SYAP1: variants seen among roughly 807,000 people sequenced by gnomAD.
SYAP1 encodes the protein synapse associated protein 1.
Under a neutral mutation model 29.6 loss-of-function variants are expected in SYAP1, and 3 were observed. The ratio of observed to expected loss-of-function variants is 0.10; its 90% CI spans 0.05 to 0.26. The LOEUF (loss-of-function observed/expected upper bound fraction) is 0.26. SYAP1 is among the 10% of genes least tolerant of loss of function. SYAP1 has a pLI of 1.00. For missense variants in SYAP1, 217 were observed against 264.1 expected, an observed-to-expected ratio of 0.82 and a Z score of 1.24; for synonymous variants, 102 against 102.7, an observed-to-expected ratio of 0.99 and a Z score of 0.04.
intron 5 of SYAP1, 24 bp downstream of exon 5, chrX:16,743,864 T>A: frequency 8.3e-7 from 1 of 1,202,316 alleles, no homozygotes; most frequent in Non-Finnish European, 1.1e-6. Context: ...TCTCCAGCGT[T>A]TCCTCATGGC....
intron 5 of SYAP1, among the ~76,000 whole-genome samples, chrX:16,746,065 T>G (rs369454320): frequency 9.2e-6 from 1 of 108,578 alleles, no homozygotes; most frequent in African/African-American, 3.3e-5. Flanking sequence ...AACAGTTATA[T>G]GGAATCTTTT....
intron 5 of SYAP1, among the ~76,000 whole-genome samples, chrX:16,746,491 C>G (rs1037195454): frequency 9.6e-4 from 107 of 111,283 alleles, no homozygotes; most frequent in Middle Eastern, 4.6e-3. Flanking sequence ...CCTGCCTCAG[C>G]CTCCCAAAGT....
At chrX:16,750,005 T>C (rs1051541147) in intron 5 of SYAP1, among the ~76,000 whole-genome samples, 9 of 110,999 alleles carry the variant, frequency 8.1e-5, no homozygotes, top group Admixed American at 9.7e-5. Flanking sequence ...TCGAGTGTTA[T>C]GGCTTAAGAC....
intron 3 of SYAP1, among the ~76,000 whole-genome samples, chrX:16,740,077 C>T (rs1030090823): frequency 1.8e-5 from 2 of 110,869 alleles, no homozygotes; most frequent in African/African-American, 6.6e-5. Context: ...TCTAAACACC[C>T]CCACCCCCAT....
Position 16,736,152 on chromosome X carries a change from A to AT in SYAP1, c.295-6dup, listed in dbSNP as rs747344997. On this transcript the variant is annotated splice_polypyrimidine_tract_variant and intron_variant, in intron 2 of 8. Coordinates refer to ENST00000380155, the MANE Select transcript of SYAP1 (RefSeq NM_032796.4). ...ACATTGCTATTTAATTTGACTATGT[A>AT]TTTTTTTTAACAGACAATTATAGGA... is the stretch of plus-strand genomic sequence containing the variant. 3.2e-5 allele frequency: 35 copies of AT among 1,081,893 alleles called. No individual in the cohort carries two copies. Among genetic ancestry groups the AT allele is most frequent in the Admixed American group, 1.1e-4 (5 of 44,856 alleles). The allele number at this position is 1,081,893 out of a possible 1,213,427, so 89.2% of individuals were successfully genotyped here.
chrX:16,734,551 G>A (rs1926281358), intron 1 of SYAP1, among the ~76,000 whole-genome samples: 1 of 111,245 alleles, frequency 9.0e-6, no homozygotes, highest in African/African-American at 3.3e-5. Context: ...TGGCATACAT[G>A]AGATCTAGAA....
Position 16,744,089 on chromosome X carries a change from A to T in SYAP1, c.575+249A>T, listed in dbSNP as rs770613084. ...AGGTAGAACACATTTCCCTACAGAA[A>T]CCACAAACATGCTGCATCACCCTGA... On this transcript the variant is annotated intron_variant, in intron 5 of 8. Coordinates refer to ENST00000380155, the MANE Select transcript of SYAP1 (RefSeq NM_032796.4). Among the ~76,000 whole-genome samples the T allele has an allele frequency of 1.8e-4, 20 of 112,239 alleles. No homozygotes were observed. The East Asian group carries it at 5.1e-3, about 29-fold the overall frequency.
At chrX:16,757,043 C>T in intron 7 of SYAP1, 119 bp from the exon 8 acceptor site, 2 of 936,698 alleles carry the variant, frequency 2.1e-6, no homozygotes, top group Non-Finnish European at 3.0e-6. Context: ...CATTGTCTTA[C>T]AGCTCGCAGA....
At chrX:16,757,093 A>G (rs1926858462) in intron 7 of SYAP1, 69 bp from the exon 8 acceptor site, 12 of 1,144,881 alleles carry the variant, frequency 1.0e-5, no homozygotes, top group Non-Finnish European at 1.4e-5. Flanking sequence ...ATTGTGAGAC[A>G]ATAGCAAACC....
rs1169924379 is a variant in SYAP1 at position 16,757,248 on chromosome X, A to G, written c.870A>G (p.Leu290=). ...CCTGTAACCTAAATCAGGAAGATCT[A>G]AGGAAAGAAATGGAGCAACTAGTGC... ...FDACNLNQED[L]RKEMEQLVLD... is the part of the protein sequence containing the mutation. Residue 290 remains leucine, a synonymous_variant, in exon 8 of 9, where the codon CTA becomes CTG. Transcript: ENST00000380155. 8.3e-7 allele frequency: 1 copy of G among 1,209,163 alleles called. No homozygotes were observed. Among genetic ancestry groups the G allele is most frequent in the African/African-American group, 1.8e-5 (1 of 57,072 alleles).
intron 5 of SYAP1, among the ~76,000 whole-genome samples, chrX:16,744,371 C>G (rs774214252): frequency 8.9e-6 from 1 of 112,762 alleles, no homozygotes; most frequent in African/African-American, 3.2e-5. Context: ...GGTGTTCTGT[C>G]TCAAGCTCTT....
chrX:16,731,144 ATTAG>A (rs1201185050), intron 1 of SYAP1, among the ~76,000 whole-genome samples: 1 of 112,156 alleles, frequency 8.9e-6, no homozygotes, highest in East Asian at 2.8e-4. Flanking sequence ...TTAGACAAAA[ATTAG>A]TTACCCTTTA....
chrX:16,725,891 G>T (rs1926073165), intron 1 of SYAP1, among the ~76,000 whole-genome samples: 1 of 111,921 alleles, frequency 8.9e-6, no homozygotes, highest in Non-Finnish European at 1.9e-5. Flanking sequence ...AAAAATCATT[G>T]TTTGAATTCA....
chrX:16,735,580 T>C (rs754080907), intron 2 of SYAP1, among the ~76,000 whole-genome samples: 1 of 112,407 alleles, frequency 8.9e-6, no homozygotes, highest in Non-Finnish European at 1.9e-5. Context: ...ATCAATACAT[T>C]GATACTTGGG....
chrX:16,753,268 G>A (rs1283769293), intron 5 of SYAP1, among the ~76,000 whole-genome samples: 2 of 107,354 alleles, frequency 1.9e-5, no homozygotes, highest in Non-Finnish European at 3.8e-5. Context: ...AAAAAAATTA[G>A]CAAGGCATAG....
intron 6 of SYAP1, 76 bp from the exon 7 acceptor site, chrX:16,756,587 G>A (rs56387362): frequency 0.011 from 9,154 of 848,260 alleles, 63 homozygotes; most frequent in Non-Finnish European, 0.013. Flanking sequence ...AATACTTGTG[G>A]ATATTTTACT....
intron 8 of SYAP1, 82 bp from the exon 9 acceptor site, chrX:16,760,150 A>G: frequency 4.1e-6 from 4 of 971,949 alleles, no homozygotes; most frequent in Non-Finnish European, 5.5e-6. Flanking sequence ...GACTTTACGT[A>G]GGTAATTGAG....
intron 3 of SYAP1, 113 bp downstream of exon 3, chrX:16,736,345 T>A (rs770820754): frequency 1.9e-5 from 9 of 478,819 alleles, no homozygotes; most frequent in Admixed American, 3.5e-5. Context: ...AATGGCCCCA[T>A]CCTTTGGGTA....
At chrX:16,734,731 C>T (rs1434506384) in intron 1 of SYAP1, among the ~76,000 whole-genome samples, 2 of 110,406 alleles carry the variant, frequency 1.8e-5, no homozygotes, top group East Asian at 2.9e-4. Context: ...CCCGGTGGCT[C>T]ACGCCTGTAA....
Sources: allele counts gnomAD v4.1 joint callset (sites outside exome capture counted in the v4.1 genomes callset), GRCh38; gene constraint gnomAD v4.1.1; transcripts MANE v1.5; gene names NCBI Gene and HGNC (gene_info 2026-07-23, HGNC 2026-07-21).